The following SP140L variants were observed in gnomAD, a reference collection of about 807,000 sequenced individuals.
SP140L encodes SP140 like nuclear body protein, also known as nuclear body protein SP140-like protein.
Under a neutral mutation model 84.3 loss-of-function variants are expected in SP140L, and 64 were observed. That is an observed-to-expected ratio of 0.76 (90% CI 0.62 to 0.94). SP140L has a LOEUF of 0.94. Among genes scored for constraint, SP140L ranks in the 40% least tolerant of loss-of-function variants. The pLI is 0.00. For missense variants in SP140L, 628 were observed against 692.5 expected, an observed-to-expected ratio of 0.91 and a Z score of 1.05; for synonymous variants, 242 against 236.9, an observed-to-expected ratio of 1.02 and a Z score of -0.20.
chr2:230,392,157 A>AG lies in SP140L; in HGVS notation c.1037dup (p.Tyr347LeufsTer29), dbSNP rs2061840028. On this transcript the variant is annotated frameshift_variant, in exon 12 of 19. Coordinates refer to ENST00000415673, the MANE Select transcript of SP140L (RefSeq NM_138402.6). LOFTEE classifies it high-confidence loss of function. Reference sequence around the variant, plus strand: ...CCCCCATGGAATTTGAAATCAAAGGAGGCTACGCAAGATCAAAGAACTGGA... The same window carrying AG: ...CCCCCATGGAATTTGAAATCAAAGGAGGGCTACGCAAGATCAAAGAACTGGA... 5 of 1,614,092 alleles carry AG rather than the reference A, an allele frequency of 3.1e-6. No individual in the cohort carries two copies. Among genetic ancestry groups the AG allele is most frequent in the Non-Finnish European group, 4.2e-6 (5 of 1,179,952 alleles).
At chr2:230,350,716 G>A (rs2060338396) in intron 2 of SP140L, among the ~76,000 whole-genome samples, 1 of 152,110 alleles carries the variant, frequency 6.6e-6, no homozygotes, top group Non-Finnish European at 1.5e-5. Flanking sequence ...GGAAAAAAGA[G>A]AGGCAGATGA....
chr2:230,349,108 T>A (rs1194540219), intron 2 of SP140L, among the ~76,000 whole-genome samples: 1 of 152,264 alleles, frequency 6.6e-6, no homozygotes, highest in Non-Finnish European at 1.5e-5. Flanking sequence ...ATCTATGCAA[T>A]TCTACTTGTA....
intron 9 of SP140L, among the ~76,000 whole-genome samples, chr2:230,385,754 A>G (rs191905307): frequency 1.3e-4 from 20 of 152,314 alleles, no homozygotes; most frequent in Admixed American, 1.3e-3. Flanking sequence ...CTGACCAAGT[A>G]TTAAAACTCC....
chr2:230,334,590 T>G (rs2149678958), intron 2 of SP140L, among the ~76,000 whole-genome samples: 1 of 152,358 alleles, frequency 6.6e-6, no homozygotes, highest in East Asian at 1.9e-4. Flanking sequence ...TGGATTTACA[T>G]GTATTTTATT....
chr2:230,396,750 T>TCAACA lies in SP140L; in HGVS notation c.1156-6_1156-2dup. 6.2e-7 allele frequency: 1 copy of TCAACA among 1,613,554 alleles called. No individual in the cohort carries two copies. Among genetic ancestry groups the TCAACA allele is most frequent in the South Asian group, 1.1e-5 (1 of 90,952 alleles). On this transcript the variant is annotated splice_region_variant and splice_polypyrimidine_tract_variant and intron_variant, in intron 13 of 18. Coordinates refer to ENST00000415673, the MANE Select transcript of SP140L (RefSeq NM_138402.6). Reference sequence around the variant, plus strand: ...ATCATAAATCAATCTTTCTGTTTTTTCAACAGAGAATACTGAAGTCTCAAA... The same window carrying TCAACA: ...ATCATAAATCAATCTTTCTGTTTTTTCAACACAACAGAGAATACTGAAGTCTCAAA...
intron 2 of SP140L, among the ~76,000 whole-genome samples, chr2:230,337,859 C>T (rs1473788195): frequency 8.5e-5 from 13 of 152,108 alleles, no homozygotes; most frequent in South Asian, 2.1e-4. Flanking sequence ...TCTATATCTC[C>T]GTTTTGGTAC....
At chr2:230,334,302 A>G (rs546560085) in intron 2 of SP140L, among the ~76,000 whole-genome samples, 2 of 152,296 alleles carry the variant, frequency 1.3e-5, no homozygotes, top group African/African-American at 4.8e-5. Flanking sequence ...CTGTGAAACT[A>G]GCTGCCATGT....
chr2:230,381,103 G>A (rs1159279950), intron 7 of SP140L, among the ~76,000 whole-genome samples: 2 of 150,568 alleles, frequency 1.3e-5, no homozygotes, highest in Non-Finnish European at 3.0e-5. Flanking sequence ...GTGCTGCAGT[G>A]GAGGAATGCT....
intron 7 of SP140L, among the ~76,000 whole-genome samples, chr2:230,373,003 C>T (rs1159448054): frequency 2.0e-5 from 3 of 152,176 alleles, no homozygotes; most frequent in African/African-American, 7.2e-5. Flanking sequence ...ATCAAATCAG[C>T]CACAACATTC....
At chr2:230,391,218 C>G (rs983769959) in intron 11 of SP140L, among the ~76,000 whole-genome samples, 1 of 152,160 alleles carries the variant, frequency 6.6e-6, no homozygotes, top group Non-Finnish European at 1.5e-5. Context: ...TATTTCAGCT[C>G]TTTGGAGTGT....
At chr2:230,359,532 T>G (rs1473355409) in intron 4 of SP140L, among the ~76,000 whole-genome samples, 1 of 152,204 alleles carries the variant, frequency 6.6e-6, no homozygotes, top group Admixed American at 6.5e-5. Flanking sequence ...AGGATCCACT[T>G]TGGCATAACA....
At chr2:230,388,275 T>C (rs2061668253) in intron 9 of SP140L, among the ~76,000 whole-genome samples, 1 of 152,200 alleles carries the variant, frequency 6.6e-6, no homozygotes, top group Admixed American at 6.5e-5. Flanking sequence ...GAAATGAACC[T>C]TCAAAATATG....
chr2:230,358,829 A>T lies in SP140L; in HGVS notation c.271-135A>T, dbSNP rs1432410629. 4.3e-6 allele frequency: 3 copies of T among 702,524 alleles called. No individual in the cohort carries two copies. In the African/African-American group the frequency reaches 5.6e-5, roughly 13 times the overall value. The allele number at this position is 702,524 out of a possible 1,614,324, so 43.5% of individuals were successfully genotyped here. Reference sequence around the variant, plus strand: ...TTCATTACTGGCTATACAAATATGTAAAAATTATAAAACTTTACATGAGAA... The same window carrying T: ...TTCATTACTGGCTATACAAATATGTTAAAATTATAAAACTTTACATGAGAA... On this transcript the variant is annotated intron_variant, in intron 3 of 18. Coordinates refer to ENST00000415673, the MANE Select transcript of SP140L (RefSeq NM_138402.6).
At position 230,358,997 on chromosome 2, in the gene SP140L, G is replaced by A; in HGVS notation, c.304G>A (p.Val102Ile). Reference protein sequence around the residue: ...SEDSCRNLVPVQRVVYNVLSE... With the variant: ...SEDSCRNLVPIQRVVYNVLSE... ...AGATTCTTGTAGAAACCTGGTCCCT[G>A]TACAAAGAGTGGTGTACAATGTTCT... The change falls in exon 4 of 19, where the codon GTA becomes ATA. Residue 102 changes from valine to isoleucine, a missense_variant. Around this residue, in one of 4 missense-constraint regions of SP140L, gnomAD observed 525 missense variants for 518.4 expected, o/e 1.01. Transcript: ENST00000415673. The A allele has an allele frequency of 6.2e-7, 1 of 1,607,014 alleles. No individual in the cohort carries two copies. Among genetic ancestry groups the A allele is most frequent in the South Asian group, 1.1e-5 (1 of 89,712 alleles).
intron 2 of SP140L, 103 bp downstream of exon 2, chr2:230,328,934 A>T: frequency 7.0e-7 from 1 of 1,435,186 alleles, no homozygotes; most frequent in East Asian, 2.6e-5. Context: ...CTCTTCCATA[A>T]TTTTTTTGTT....
At chr2:230,372,597 C>T (rs1352648662) in intron 7 of SP140L, 1 of 151,890 alleles carries the variant, frequency 6.6e-6, no homozygotes, top group Non-Finnish European at 1.5e-5. Flanking sequence ...TGTTGGCGGG[C>T]ACCTGTAGTC....
chr2:230,390,868 T>A (rs2061773139), intron 11 of SP140L, among the ~76,000 whole-genome samples: 3 of 152,174 alleles, frequency 2.0e-5, no homozygotes, highest in African/African-American at 4.8e-5. Context: ...CCCATGTCAA[T>A]TAGTAGTCAA....
chr2:230,340,241 T>C (rs1020705037), intron 2 of SP140L, among the ~76,000 whole-genome samples: 2 of 151,118 alleles, frequency 1.3e-5, no homozygotes, highest in Admixed American at 1.3e-4. Context: ...TTTACCATTA[T>C]GTAATGGCCT....
chr2:230,400,894 A>G (rs1575563169), intron 15 of SP140L, 61 bp from the exon 16 acceptor site: 2 of 1,187,136 alleles, frequency 1.7e-6, no homozygotes, highest in East Asian at 5.1e-5. Context: ...AGTGGTAGCC[A>G]CAGGAACGGT....
Sources: allele counts gnomAD v4.1 joint callset (sites outside exome capture counted in the v4.1 genomes callset), GRCh38; gene constraint gnomAD v4.1.1; regional missense constraint gnomAD v4.1.1; transcripts MANE v1.5; gene names NCBI Gene and HGNC (gene_info 2026-07-23, HGNC 2026-07-21).